The following PLCH1 variants were observed in gnomAD, a reference collection of about 807,000 sequenced individuals.
The protein encoded by PLCH1 is phospholipase C eta 1, also known as 1-phosphatidylinositol 4,5-bisphosphate phosphodiesterase eta-1.
PLCH1 carries 60 observed loss-of-function variants against 126.7 expected under a neutral mutation model. The ratio of observed to expected loss-of-function variants is 0.47; its 90% CI spans 0.38 to 0.59. The LOEUF (loss-of-function observed/expected upper bound fraction) is 0.59, where lower values mean the gene tolerates loss of function less well. Among genes scored for constraint, PLCH1 ranks in the 20% least tolerant of loss-of-function variants. PLCH1 has a pLI of 0.00. For synonymous variants in PLCH1, 719 were observed against 734.9 expected (o/e 0.98, Z 0.35); for missense variants, 1,723 against 2,040.0 (o/e 0.84, Z 2.99).
chr3:155,719,954 C>A (rs1180949911), intron 1 of PLCH1, among the ~76,000 whole-genome samples: 1 of 152,062 alleles, frequency 6.6e-6, no homozygotes, highest in African/African-American at 2.4e-5. Context: ...CGCCACCATG[C>A]CCGGCTAATT....
chr3:155,684,408 C>A (rs945800399), intron 2 of PLCH1, among the ~76,000 whole-genome samples: 2 of 152,136 alleles, frequency 1.3e-5, no homozygotes, highest in African/African-American at 4.8e-5. Context: ...CTCAGAACCA[C>A]CAGGTCACTT....
intron 7 of PLCH1, among the ~76,000 whole-genome samples, chr3:155,567,065 T>C (rs1197620191): frequency 6.6e-6 from 1 of 152,096 alleles, no homozygotes; most frequent in Non-Finnish European, 1.5e-5. Flanking sequence ...TATAAGATTT[T>C]ATTTTATTTT....
At chr3:155,550,663 T>G (rs1304913435) in intron 9 of PLCH1, among the ~76,000 whole-genome samples, 1 of 152,178 alleles carries the variant, frequency 6.6e-6, no homozygotes, top group African/African-American at 2.4e-5. Context: ...TTACATGATT[T>G]TACTCCTCTC....
chr3:155,490,708 C>A, intron 19 of PLCH1, 76 bp downstream of exon 19: 1 of 843,776 alleles, frequency 1.2e-6, no homozygotes, highest in South Asian at 1.4e-5. Flanking sequence ...TGCTCTTCTA[C>A]ATAGACACTT....
intron 2 of PLCH1, among the ~76,000 whole-genome samples, chr3:155,624,101 C>G (rs912892948): frequency 6.6e-6 from 1 of 150,904 alleles, no homozygotes; most frequent in Non-Finnish European, 1.5e-5. Context: ...TCAACATACG[C>G]AAATCAATAA....
chr3:155,517,434 G>C (rs182944652), intron 11 of PLCH1, among the ~76,000 whole-genome samples: 1 of 152,268 alleles, frequency 6.6e-6, no homozygotes, highest in Non-Finnish European at 1.5e-5. Flanking sequence ...TGAAGTCTAG[G>C]TGTTGGCAGG....
At chr3:155,676,185 T>C (rs886438976) in intron 2 of PLCH1, 3 of 1,323,296 alleles carry the variant, frequency 2.3e-6, no homozygotes, top group Non-Finnish European at 2.9e-6. Context: ...TGGCTCATGC[T>C]GCCCTTTATG....
intron 1 of PLCH1, among the ~76,000 whole-genome samples, chr3:155,739,080 A>C (rs1749432939): frequency 6.6e-6 from 1 of 152,226 alleles, no homozygotes; most frequent in Non-Finnish European, 1.5e-5. Context: ...CTGCAAATCT[A>C]AAACCAGCTC....
rs758616158 is a variant in PLCH1, at chr3:155,482,632, C to A, written c.3394G>T (p.Gly1132Cys). ...HSNLEIKNLEGNRGKGRAATS... is the reference protein window; with the variant it reads ...HSNLEIKNLECNRGKGRAATS... The stretch of plus-strand genomic sequence containing the variant: ...GCAGCTCGGCCCTTACCCCTATTAC[C>A]TTCCAGGTTCTTAATTTCTAGGTTG... The change falls in exon 23 of 23, where the codon GGT (glycine) becomes TGT (cysteine). Residue 1132 changes from glycine to cysteine, a missense_variant. Physicochemically the swap from Gly to Cys is radical, Grantham distance 159 (BLOSUM62 -3). Around this residue, in one of 2 missense-constraint regions of PLCH1, gnomAD observed 947 missense variants for 977.1 expected, o/e 0.97. Coordinates refer to ENST00000460012, the MANE Select transcript of PLCH1 (RefSeq NM_014996.4). The A allele has an allele frequency of 6.8e-5, 110 of 1,614,060 alleles. No individual in the cohort carries two copies. Among genetic ancestry groups the A allele is most frequent in the Non-Finnish European group, 9.3e-5 (110 of 1,180,036 alleles).
chr3:155,498,226 A>G (rs1717360897), intron 14 of PLCH1, among the ~76,000 whole-genome samples: 1 of 152,228 alleles, frequency 6.6e-6, no homozygotes, highest in Non-Finnish European at 1.5e-5. Flanking sequence ...TAATGGCCCT[A>G]AAGTGCGGGA....
At chr3:155,619,650 T>G (rs1200807996) in intron 2 of PLCH1, among the ~76,000 whole-genome samples, 1 of 152,072 alleles carries the variant, frequency 6.6e-6, no homozygotes, top group Non-Finnish European at 1.5e-5. Context: ...ACATTTTCCC[T>G]GAAAAACAAA....
intron 3 of PLCH1, among the ~76,000 whole-genome samples, chr3:155,596,000 T>A (rs1732935553): frequency 6.6e-6 from 1 of 151,770 alleles, no homozygotes; most frequent in Non-Finnish European, 1.5e-5. Flanking sequence ...ATATATCATG[T>A]CTCCAACACA....
chr3:155,708,669 A>G (rs1746867617), intron 1 of PLCH1, among the ~76,000 whole-genome samples: 1 of 152,144 alleles, frequency 6.6e-6, no homozygotes, highest in African/African-American at 2.4e-5. Context: ...TCTTGTATCC[A>G]GTTTGAAGTT....
Position 155,482,011 on chromosome 3 carries a change from C to T in PLCH1, c.4015G>A (p.Asp1339Asn). ...PDLTLEDVIA[D>N]PTLCFNSGES... ...CCAGAATTGAAACAGAGAGTGGGAT[C>T]AGCTATTACATCCTCCAGGGTCAAA... The change falls in exon 23 of 23, where the codon GAT (aspartate) becomes AAT (asparagine). Residue 1339 changes from aspartate to asparagine, a missense_variant. Coordinates refer to ENST00000460012, the MANE Select transcript of PLCH1 (RefSeq NM_014996.4). The T allele has an allele frequency of 6.2e-7, 1 of 1,614,122 alleles. No homozygotes were observed. The highest frequency in any genetic ancestry group is 8.5e-7 in the Non-Finnish European group (1 of 1,179,998).
At chr3:155,706,978 C>T (rs148986162) in intron 1 of PLCH1, among the ~76,000 whole-genome samples, 2 of 152,224 alleles carry the variant, frequency 1.3e-5, no homozygotes, top group East Asian at 3.9e-4. Flanking sequence ...AAATCTAATG[C>T]CCCCCAATGT....
At chr3:155,534,876 T>C (rs529325) in intron 10 of PLCH1, among the ~76,000 whole-genome samples, 142,546 of 152,258 alleles carry the variant, frequency 0.94, 67,442 homozygotes, top group African/African-American at 0.99. Flanking sequence ...CCTGCTTCCT[T>C]TTTGCCCTCT....
At chr3:155,576,780 T>A (rs1247282613) in intron 6 of PLCH1, among the ~76,000 whole-genome samples, 11 of 152,178 alleles carry the variant, frequency 7.2e-5, no homozygotes, top group Admixed American at 7.2e-4. Context: ...TTCTACACAG[T>A]TAGATTGTGT....
chr3:155,649,269 A>C (rs1740416028), intron 2 of PLCH1, among the ~76,000 whole-genome samples: 1 of 152,142 alleles, frequency 6.6e-6, no homozygotes, highest in Admixed American at 6.5e-5. Context: ...CTGCTAGAGG[A>C]AAGTGAGGCA....
At chr3:155,624,288 A>G (rs1033257920) in intron 2 of PLCH1, among the ~76,000 whole-genome samples, 2 of 152,188 alleles carry the variant, frequency 1.3e-5, no homozygotes, top group Non-Finnish European at 2.9e-5. Context: ...ACCCACAGCT[A>G]ATATCATACT....
Sources: gnomAD v4.1 joint callset for allele counts (sites outside exome capture counted in the v4.1 genomes callset) on GRCh38, gnomAD v4.1.1 for gene constraint, gnomAD v4.1.1 regional missense constraint, MANE v1.5 for transcripts, NCBI Gene and HGNC (gene_info 2026-07-23, HGNC 2026-07-21) for gene names.